MYO1E: variants seen among roughly 807,000 people sequenced by gnomAD.
MYO1E encodes myosin IE, also known as unconventional myosin-Ie.
MYO1E carries 68 observed loss-of-function variants against 151.1 expected under a neutral mutation model. The observed-to-expected ratio is 0.45, with a 90% confidence interval of 0.37 to 0.55. The LOEUF (loss-of-function observed/expected upper bound fraction) is 0.55, where lower values mean the gene tolerates loss of function less well. Among genes scored for constraint, MYO1E ranks in the 20% least tolerant of loss-of-function variants. MYO1E has a pLI of 0.00. For synonymous variants in MYO1E, 601 were observed against 501.7 expected (o/e 1.20, Z -2.64); for missense variants, 1,363 against 1,389.3 (o/e 0.98, Z 0.30).
At chr15:59,228,985 C>T (rs1363324724) in intron 6 of MYO1E, among the ~76,000 whole-genome samples, 1 of 152,212 alleles carries the variant, frequency 6.6e-6, no homozygotes, top group African/African-American at 2.4e-5. Context: ...GCACCAGGCA[C>T]AGAGAACCAC....
rs571999195 is a variant in MYO1E at position 59,243,687 on chromosome 15, T to C, written c.333-7015A>G. Among the ~76,000 whole-genome samples the C allele has an allele frequency of 2.0e-5, 3 of 152,216 alleles. No individual in the cohort carries two copies. The East Asian group carries it at 5.8e-4, about 29-fold the overall frequency. On this transcript the variant is annotated intron_variant, in intron 4 of 27. Coordinates refer to ENST00000288235, the MANE Select transcript of MYO1E (RefSeq NM_004998.4). ...GCACAGTTCATAGTATCAGCAAACT[T>C]TTAGCTACTCCTGAGTCTTTACTGA...
chr15:59,260,276 G>C (rs891702074), intron 3 of MYO1E, among the ~76,000 whole-genome samples: 2 of 152,238 alleles, frequency 1.3e-5, no homozygotes, highest in Non-Finnish European at 2.9e-5. Context: ...GGCAGGGCCA[G>C]CCTCTGCTGA....
intron 17 of MYO1E, among the ~76,000 whole-genome samples, chr15:59,191,227 G>A (rs973647440): frequency 2.6e-5 from 4 of 151,778 alleles, no homozygotes; most frequent in Non-Finnish European, 4.4e-5. Context: ...AGGCCGAGGC[G>A]GGCAAATCAT....
chr15:59,342,714 CCTTT>C, intron 1 of MYO1E, among the ~76,000 whole-genome samples: 1 of 152,240 alleles, frequency 6.6e-6, no homozygotes, highest in South Asian at 2.1e-4. Flanking sequence ...TTCCTATCTT[CCTTT>C]AAGGTGATTT....
At chr15:59,182,859 T>C (rs1418094440) in intron 18 of MYO1E, among the ~76,000 whole-genome samples, 2 of 152,156 alleles carry the variant, frequency 1.3e-5, no homozygotes, top group Admixed American at 1.3e-4. Context: ...CCAGGATTCA[T>C]GGAAGATAAT....
intron 1 of MYO1E, among the ~76,000 whole-genome samples, chr15:59,337,470 T>C (rs1464023090): frequency 6.6e-6 from 1 of 152,230 alleles, no homozygotes; most frequent in African/African-American, 2.4e-5. Flanking sequence ...ATTTCGCATT[T>C]GGCAGAAAAT....
chr15:59,329,604 T>C (rs764202068), intron 1 of MYO1E, among the ~76,000 whole-genome samples: 3 of 152,204 alleles, frequency 2.0e-5, no homozygotes, highest in Non-Finnish European at 4.4e-5. Flanking sequence ...CCACCCAAAC[T>C]TTCCCACAGT....
At chr15:59,275,774 A>AT (rs1229356518) in intron 1 of MYO1E, among the ~76,000 whole-genome samples, 1 of 152,240 alleles carries the variant, frequency 6.6e-6, no homozygotes, top group Admixed American at 6.5e-5. Context: ...GCAGAGGGTG[A>AT]TATGGTTATC....
At chr15:59,245,605 G>A (rs185178905) in intron 4 of MYO1E, among the ~76,000 whole-genome samples, 11 of 152,268 alleles carry the variant, frequency 7.2e-5, no homozygotes, top group African/African-American at 2.2e-4. Flanking sequence ...AAACAACTGC[G>A]TCAGGATACT....
intron 24 of MYO1E, among the ~76,000 whole-genome samples, chr15:59,160,533 C>CGGAG (rs1566967272): frequency 1.3e-5 from 2 of 151,814 alleles, no homozygotes; most frequent in Non-Finnish European, 2.9e-5. Context: ...CCTCAGCCTC[C>CGGAG]GGAGTGGCTG....
chr15:59,282,317 T>C (rs542010639), intron 1 of MYO1E, among the ~76,000 whole-genome samples: 17 of 152,304 alleles, frequency 1.1e-4, no homozygotes, highest in African/African-American at 3.8e-4. Context: ...CCCCCTGCTC[T>C]GTCTAGACCT....
intron 1 of MYO1E, among the ~76,000 whole-genome samples, chr15:59,337,937 T>C (rs1267115475): frequency 2.0e-5 from 3 of 152,250 alleles, no homozygotes; most frequent in Non-Finnish European, 2.9e-5. Context: ...ACATCCTCCA[T>C]ACATTTCCCT....
intron 6 of MYO1E, among the ~76,000 whole-genome samples, chr15:59,229,305 A>G (rs1360188309): frequency 5.9e-5 from 9 of 152,200 alleles, no homozygotes; most frequent in African/African-American, 2.2e-4. Flanking sequence ...GGCCACGCAC[A>G]TCAGACTCTA....
At chr15:59,336,640 T>C (rs191074156) in intron 1 of MYO1E, among the ~76,000 whole-genome samples, 1 of 152,236 alleles carries the variant, frequency 6.6e-6, no homozygotes, top group Admixed American at 6.5e-5. Flanking sequence ...TGGGATACAT[T>C]TGCAGAACGT....
At chr15:59,341,273 T>A (rs2414629) in intron 1 of MYO1E, 9 of 151,962 alleles carry the variant, frequency 5.9e-5, no homozygotes, top group Non-Finnish European at 1.0e-4. Flanking sequence ...GACTATAGTC[T>A]TTCTGTTGTG....
intron 18 of MYO1E, among the ~76,000 whole-genome samples, chr15:59,186,069 T>C (rs1159458103): frequency 1.8e-4 from 27 of 152,202 alleles, no homozygotes; most frequent in African/African-American, 6.5e-4. Flanking sequence ...GCTCTACAAA[T>C]ACCTTTTCTC....
chr15:59,291,682 TAAAAAAAAAA>T (rs1182076268), intron 1 of MYO1E, among the ~76,000 whole-genome samples: 4 of 7,804 alleles, frequency 5.1e-4, no homozygotes, highest in African/African-American at 8.2e-4. Flanking sequence ...CTAAAAATAC[TAAAAAAAAAA>T]AAAAAAAAAA....
intron 13 of MYO1E, 131 bp downstream of exon 13, chr15:59,210,383 A>G (rs1257278013): frequency 1.4e-6 from 1 of 714,788 alleles, no homozygotes; most frequent in Non-Finnish European, 2.5e-6. Context: ...ACAGAAAACT[A>G]GTACAATTGC....
Position 59,253,490 on chromosome 15 carries a change from T to TG in MYO1E, c.332+2793_332+2794insC, listed in dbSNP as rs1453280237. ...ATCTGAGTCTGATCGAGTTTTTTTTTTTTTTTTTTTGAGACAGAGTCTCAC... is the reference window on the plus strand; with the variant it reads ...ATCTGAGTCTGATCGAGTTTTTTTTTGTTTTTTTTTTGAGACAGAGTCTCAC... On this transcript the variant is annotated intron_variant, in intron 4 of 27. Coordinates refer to ENST00000288235, the MANE Select transcript of MYO1E (RefSeq NM_004998.4). Among the ~76,000 whole-genome samples, 28 of 149,862 alleles carry TG rather than the reference T, an allele frequency of 1.9e-4. No homozygotes were observed. The East Asian group carries it at 4.5e-3, about 24-fold the overall frequency.
Sources: allele counts gnomAD v4.1 joint callset (sites outside exome capture counted in the v4.1 genomes callset), GRCh38; gene constraint gnomAD v4.1.1; transcripts MANE v1.5; gene names NCBI Gene and HGNC (gene_info 2026-07-23, HGNC 2026-07-21).